KHDRBS1: variants seen among roughly 807,000 people sequenced by gnomAD.
KHDRBS1 encodes KH domain-containing, RNA-binding, signal transduction-associated protein 1.
In KHDRBS1, 7 loss-of-function variants were observed where a neutral mutation model predicts 48.4. That is an observed-to-expected ratio of 0.14 (90% CI 0.08 to 0.27). KHDRBS1 has a LOEUF of 0.27. Among genes scored for constraint, KHDRBS1 ranks in the 10% least tolerant of loss-of-function variants. KHDRBS1 has a pLI of 1.00. For missense variants in KHDRBS1, 458 were observed against 601.2 expected, an observed-to-expected ratio of 0.76 and a Z score of 2.49; for synonymous variants, 241 against 235.8, an observed-to-expected ratio of 1.02 and a Z score of -0.20.
At position 32,036,943 on chromosome 1, in the gene KHDRBS1, C is replaced by T; in HGVS notation, c.805C>T (p.Leu269=). 1 of 1,613,906 alleles carries T rather than the reference C, an allele frequency of 6.2e-7. No homozygotes were observed. The highest frequency in any genetic ancestry group is 8.5e-7 in the Non-Finnish European group (1 of 1,179,908). The change falls in exon 5 of 9, where the codon CTA becomes TTA. Residue 269 remains leucine, a synonymous_variant. Transcript: ENST00000327300. ...GGATGATATCTGTCAGGAGCAATTT[C>T]TAGAGCTGTCCTACTTGAATGGAGT... ...MMDDICQEQF[L]ELSYLNGVPE...
rs147659771 is a variant in KHDRBS1, at chr1:32,016,893, A to T, written c.382+2516A>T. Among the ~76,000 whole-genome samples the T allele has an allele frequency of 1.6e-3, 241 of 152,334 alleles. 1 individual carries two copies. The highest frequency in any genetic ancestry group is 5.4e-3 in the African/African-American group (226 of 41,576). On this transcript the variant is annotated intron_variant, in intron 1 of 8. Transcript: ENST00000327300. ...TCTTCTATGCCTTGAAGAGTGCTGC[A>T]CAGAGTGGCCTCTTATTAAATATTT...
chr1:32,037,347 G>T (rs1195389505), intron 5 of KHDRBS1, among the ~76,000 whole-genome samples: 2 of 151,918 alleles, frequency 1.3e-5, no homozygotes. Flanking sequence ...AGGAGGCTGG[G>T]GCAAGAGAAT....
intron 1 of KHDRBS1, among the ~76,000 whole-genome samples, chr1:32,022,846 C>T (rs1314762953): frequency 2.6e-5 from 4 of 151,588 alleles, no homozygotes; most frequent in African/African-American, 7.3e-5. Context: ...GCCAAAATTG[C>T]GCCACTGCAC....
At chr1:32,055,721 G>C (rs1170845659) in intron 10 of KHDRBS1, among the ~76,000 whole-genome samples, 2 of 152,090 alleles carry the variant, frequency 1.3e-5, no homozygotes, top group Non-Finnish European at 2.9e-5. Context: ...CCCCTTAGGA[G>C]CACAAGCCTA....
At chr1:32,031,378 A>G (rs1639078470) in intron 2 of KHDRBS1, 146 bp from the exon 3 acceptor site, 2 of 597,544 alleles carry the variant, frequency 3.3e-6, no homozygotes, top group South Asian at 4.2e-5. Flanking sequence ...TAATCACTTT[A>G]TTAATATGGC....
chr1:32,026,536 C>T (rs1638973838), intron 1 of KHDRBS1, among the ~76,000 whole-genome samples: 1 of 152,008 alleles, frequency 6.6e-6, no homozygotes, highest in African/African-American at 2.4e-5. Context: ...TAGAAGAATC[C>T]ATGTTATAGA....
exon 11 of KHDRBS1, chr1:32,060,383 T>C (rs1280686222): frequency 6.6e-6 from 1 of 152,160 alleles, no homozygotes; most frequent in African/African-American, 2.4e-5. Context: ...GTGCTAACAA[T>C]TAAACTGTTC....
At chr1:32,022,175 G>A (rs1458504470) in intron 1 of KHDRBS1, among the ~76,000 whole-genome samples, 1 of 151,692 alleles carries the variant, frequency 6.6e-6, no homozygotes, top group Non-Finnish European at 1.5e-5. Context: ...ATCTTTAGTA[G>A]AGACAGGGTT....
intron 1 of KHDRBS1, among the ~76,000 whole-genome samples, chr1:32,025,564 G>C (rs1281975272): frequency 1.3e-5 from 2 of 150,762 alleles, no homozygotes; most frequent in East Asian, 4.1e-4. Flanking sequence ...GCCTCCCAAA[G>C]TGCTGGAATT....
At chr1:32,045,111 A>T (rs899269566), downstream of KHDRBS1, among the ~76,000 whole-genome samples, 9 of 152,158 alleles carry the variant, frequency 5.9e-5, no homozygotes, top group African/African-American at 2.2e-4. Context: ...CTCCTGCTGC[A>T]CCCCAAAAGC....
chr1:32,025,348 T>TGC (rs1433332641), intron 1 of KHDRBS1, among the ~76,000 whole-genome samples: 2 of 132,810 alleles, frequency 1.5e-5, no homozygotes, highest in African/African-American at 5.8e-5. Context: ...TCACCCAGGC[T>TGC]AGAGTGCAGT....
chr1:32,016,935 T>C (rs1569757927), intron 1 of KHDRBS1, among the ~76,000 whole-genome samples: 1 of 152,228 alleles, frequency 6.6e-6, no homozygotes, highest in South Asian at 2.1e-4. Flanking sequence ...ATAATACATA[T>C]TCACCTTCAT....
chr1:32,027,151 C>T (rs569576967), intron 1 of KHDRBS1, among the ~76,000 whole-genome samples: 8 of 152,200 alleles, frequency 5.3e-5, no homozygotes, highest in Non-Finnish European at 8.8e-5. Context: ...AGGCTGGTCT[C>T]GAACTCCTGA....
chr1:32,026,853 G>A (rs1181247050), intron 1 of KHDRBS1, among the ~76,000 whole-genome samples: 2 of 152,170 alleles, frequency 1.3e-5, no homozygotes. Flanking sequence ...GGAGTGCAGT[G>A]GCGCAATCTG....
chr1:32,056,076 A>C (rs1236606334), intron 10 of KHDRBS1, among the ~76,000 whole-genome samples: 1 of 152,128 alleles, frequency 6.6e-6, no homozygotes, highest in Non-Finnish European at 1.5e-5. Flanking sequence ...CGTGCTGCTA[A>C]GGTTTAGCTT....
chr1:32,013,887 G>C lies in KHDRBS1; in HGVS notation c.-109G>C, dbSNP rs540743924. On this transcript the variant is annotated 5_prime_UTR_variant, in exon 1 of 9. Transcript: ENST00000327300. ...TGCTCTCTCTCGCTGGGTCGCTCGG[G>C]TCGGCTTCGGTCGCTACCGCTCCCG... 3.7e-6 allele frequency: 4 copies of C among 1,087,180 alleles called. No homozygotes were observed. In the African/African-American group the frequency reaches 5.0e-5, roughly 13 times the overall value. The allele number at this position is 1,087,180 out of a possible 1,614,324, so 67.3% of individuals were successfully genotyped here.
chr1:32,038,105 G>GCCTC, intron 6 of KHDRBS1, 69 bp downstream of exon 6: 3 of 1,591,700 alleles, frequency 1.9e-6, no homozygotes, highest in Non-Finnish European at 2.6e-6. Flanking sequence ...GAATGACAGG[G>GCCTC]CCTCGGTCCT....
intron 10 of KHDRBS1, among the ~76,000 whole-genome samples, chr1:32,056,333 C>T (rs868311110): frequency 3.0e-4 from 46 of 152,260 alleles, no homozygotes; most frequent in African/African-American, 1.1e-3. Context: ...AAAAAGACAG[C>T]TTAGTTGAGA....
chr1:32,013,988 C>T lies in KHDRBS1; in HGVS notation c.-8C>T, dbSNP rs769652619. On this transcript the variant is annotated 5_prime_UTR_variant, in exon 1 of 9. Transcript: ENST00000327300. The stretch of plus-strand genomic sequence containing the variant: ...CTTTCTCGCTCCTTGGATCGCACAT[C>T]CTCCCAGATGCAGCGCCGGGACGAC... 2.9e-5 allele frequency: 43 copies of T among 1,497,744 alleles called. No homozygotes were observed. The South Asian group carries it at 4.2e-4, about 14-fold the overall frequency. 92.8% of individuals were successfully genotyped at this position (1,497,744 alleles called of 1,614,324 possible). A position where few individuals can be genotyped will look rare whatever the true frequency, so the allele number is the denominator to read the frequency against.
Sources: allele counts gnomAD v4.1 joint callset (sites outside exome capture counted in the v4.1 genomes callset), GRCh38; gene constraint gnomAD v4.1.1; transcripts MANE v1.5; gene names NCBI Gene and HGNC (gene_info 2026-07-23, HGNC 2026-07-21).